Variants in ADAMTS3 observed in about 807,000 individuals in gnomAD.
The protein encoded by ADAMTS3 is A disintegrin and metalloproteinase with thrombospondin motifs 3.
A neutral mutation model predicts 129.0 loss-of-function variants in ADAMTS3; 73 were observed. That is an observed-to-expected ratio of 0.57 (90% CI 0.47 to 0.69). The LOEUF (loss-of-function observed/expected upper bound fraction) is 0.69. Among genes scored for constraint, ADAMTS3 ranks in the 30% least tolerant of loss-of-function variants. The pLI, the probability that ADAMTS3 is intolerant of heterozygous loss-of-function variation, is 0.00. For synonymous variants in ADAMTS3, 477 were observed against 510.8 expected (o/e 0.93, Z 0.89); for missense variants, 1,457 against 1,514.5 (o/e 0.96, Z 0.63).
intron 6 of ADAMTS3, 47 bp downstream of exon 6, chr4:72,322,967 C>T (rs368779404): frequency 6.2e-6 from 9 of 1,446,452 alleles, no homozygotes; most frequent in Admixed American, 5.0e-5. Flanking sequence ...CTTCTATTTG[C>T]TAACCCAGTC....
chr4:72,530,401 GA>G (rs1560553929), intron 3 of ADAMTS3, among the ~76,000 whole-genome samples: 1 of 65,792 alleles, frequency 1.5e-5, no homozygotes, highest in Non-Finnish European at 2.5e-5. Context: ...TAACATATAT[GA>G]ATTTAATATA....
chr4:72,469,096 C>A (rs1372381654), intron 3 of ADAMTS3, among the ~76,000 whole-genome samples: 1 of 152,086 alleles, frequency 6.6e-6, no homozygotes, highest in Non-Finnish European at 1.5e-5. Context: ...AATTAGCACT[C>A]TTGTGCCCTC....
At chr4:72,506,406 T>G (rs1720160076) in intron 3 of ADAMTS3, among the ~76,000 whole-genome samples, 2 of 152,150 alleles carry the variant, frequency 1.3e-5, no homozygotes, top group Admixed American at 6.5e-5. Context: ...GAGGGCACAA[T>G]TCCAGTGCCA....
chr4:72,534,314 G>A (rs566894661), intron 3 of ADAMTS3, among the ~76,000 whole-genome samples: 8 of 150,984 alleles, frequency 5.3e-5, no homozygotes, highest in East Asian at 3.9e-4. Flanking sequence ...GCGACAGAGC[G>A]AGACTCCGTC....
At chr4:72,543,703 G>C (rs539652922) in intron 3 of ADAMTS3, among the ~76,000 whole-genome samples, 1 of 152,088 alleles carries the variant, frequency 6.6e-6, no homozygotes, top group Non-Finnish European at 1.5e-5. Context: ...ATTGTCAGAG[G>C]CTATAGGGCG....
At chr4:72,395,115 G>A (rs1163270777) in intron 4 of ADAMTS3, among the ~76,000 whole-genome samples, 3 of 152,062 alleles carry the variant, frequency 2.0e-5, no homozygotes, top group South Asian at 2.1e-4. Flanking sequence ...AGTAGAGATG[G>A]GGTTTCACCA....
At chr4:72,377,724 C>T (rs1021779864) in intron 4 of ADAMTS3, among the ~76,000 whole-genome samples, 19 of 152,156 alleles carry the variant, frequency 1.2e-4, no homozygotes, top group African/African-American at 4.3e-4. Flanking sequence ...TCTAAGTGGC[C>T]TTTGATGTTG....
intron 3 of ADAMTS3, among the ~76,000 whole-genome samples, chr4:72,516,910 G>A (rs1387727206): frequency 1.3e-5 from 2 of 152,012 alleles, no homozygotes; most frequent in Non-Finnish European, 2.9e-5. Context: ...TCCCTGTCTT[G>A]TGCCAGTTTT....
intron 5 of ADAMTS3, among the ~76,000 whole-genome samples, chr4:72,328,575 C>T (rs917671107): frequency 1.2e-4 from 19 of 152,180 alleles, no homozygotes; most frequent in African/African-American, 4.6e-4. Context: ...TTATTTGTCT[C>T]TGTGCCTCAG....
chr4:72,530,234 T>A (rs1460921642), intron 3 of ADAMTS3, among the ~76,000 whole-genome samples: 4 of 79,844 alleles, frequency 5.0e-5, no homozygotes, highest in African/African-American at 2.0e-4. Context: ...ATATTATATA[T>A]ATTAAATATA....
intron 3 of ADAMTS3, among the ~76,000 whole-genome samples, chr4:72,538,408 A>G (rs1721234798): frequency 6.6e-6 from 1 of 152,166 alleles, no homozygotes; most frequent in Non-Finnish European, 1.5e-5. Flanking sequence ...GATTCATCAC[A>G]TTACAAGGGA....
chr4:72,449,694 T>C (rs921081907), intron 3 of ADAMTS3, among the ~76,000 whole-genome samples: 2 of 151,746 alleles, frequency 1.3e-5, no homozygotes, highest in African/African-American at 4.8e-5. Flanking sequence ...CTGGCCCCTA[T>C]TATACCTGCA....
chr4:72,417,294 G>A (rs147108773), intron 3 of ADAMTS3, among the ~76,000 whole-genome samples: 3 of 152,270 alleles, frequency 2.0e-5, no homozygotes, highest in East Asian at 1.9e-4. Flanking sequence ...AGCGGTCAGC[G>A]ACTCTGAGCA....
intron 17 of ADAMTS3, among the ~76,000 whole-genome samples, chr4:72,303,293 G>A (rs1023015410): frequency 6.7e-6 from 1 of 148,954 alleles, no homozygotes; most frequent in African/African-American, 2.6e-5. Context: ...AAGTGTGTGT[G>A]TGCTACTGCC....
At chr4:72,549,832 A>G (rs1343404552) in intron 2 of ADAMTS3, among the ~76,000 whole-genome samples, 1 of 151,252 alleles carries the variant, frequency 6.6e-6, no homozygotes, top group Non-Finnish European at 1.5e-5. Flanking sequence ...TATTTTGTCT[A>G]TCAAAATGCA....
chr4:72,458,273 G>T (rs568068482), intron 3 of ADAMTS3, among the ~76,000 whole-genome samples: 2 of 151,578 alleles, frequency 1.3e-5, no homozygotes, highest in South Asian at 4.2e-4. Context: ...TCATCCCAGA[G>T]CCTTAAAGTC....
chr4:72,499,763 T>C (rs936696696), intron 3 of ADAMTS3, among the ~76,000 whole-genome samples: 1 of 152,086 alleles, frequency 6.6e-6, no homozygotes, highest in African/African-American at 2.4e-5. Flanking sequence ...TTTTCAACTT[T>C]TGCCATCCTT....
intron 3 of ADAMTS3, among the ~76,000 whole-genome samples, chr4:72,435,409 C>T (rs926069335): frequency 1.3e-5 from 2 of 151,626 alleles, no homozygotes. Flanking sequence ...AAATGTTAAC[C>T]GATGTTGCAT....
rs1486698829 is a variant in ADAMTS3, at chr4:72,392,418, T to A, written c.661+22397A>T. Among the ~76,000 whole-genome samples, 5 of 152,034 alleles carry A rather than the reference T, an allele frequency of 3.3e-5. No homozygotes were observed. In the East Asian group the frequency reaches 5.8e-4, roughly 18 times the overall value. On this transcript the variant is annotated intron_variant, in intron 4 of 21. Coordinates refer to ENST00000286657, the MANE Select transcript of ADAMTS3 (RefSeq NM_014243.3). ...TCCCATCACAAACTTCCTACATATT[T>A]AAAAAAAATCCACCCCCTTAATCCA...
Sources: gnomAD v4.1 joint callset for allele counts (sites outside exome capture counted in the v4.1 genomes callset) on GRCh38, gnomAD v4.1.1 for gene constraint, MANE v1.5 for transcripts, NCBI Gene and HGNC (gene_info 2026-07-23, HGNC 2026-07-21) for gene names.